ZNF503: variants seen among roughly 807,000 people sequenced by gnomAD.
ZNF503 encodes NocA-like zinc finger 2.
Under a neutral mutation model 34.4 loss-of-function variants are expected in ZNF503, and 15 were observed. The ratio of observed to expected loss-of-function variants is 0.44; its 90% CI spans 0.29 to 0.67. The LOEUF (loss-of-function observed/expected upper bound fraction) is 0.67. Among genes scored for constraint, ZNF503 ranks in the 30% least tolerant of loss-of-function variants. The pLI is 0.13. For missense variants in ZNF503, 1,007 were observed against 926.8 expected (o/e 1.09, Z -1.12); for synonymous variants, 580 against 456.8 (o/e 1.27, Z -3.44).
At chr10:75,346,273 G>A in the ZNF503 span, among the ~76,000 whole-genome samples, 1 of 152,252 alleles carries the variant, frequency 6.6e-6, no homozygotes, top group South Asian at 2.1e-4. Flanking sequence ...GTGCAGACCT[G>A]TGCAGTCTCA....
At chr10:75,336,622 G>A in the ZNF503 span, among the ~76,000 whole-genome samples, 1 of 152,174 alleles carries the variant, frequency 6.6e-6, no homozygotes, top group Non-Finnish European at 1.5e-5. Flanking sequence ...AGCTCTGTGG[G>A]TCAGATGTCC....
At chr10:75,328,380 T>G in the ZNF503 span, among the ~76,000 whole-genome samples, 1 of 152,218 alleles carries the variant, frequency 6.6e-6, no homozygotes, top group Non-Finnish European at 1.5e-5. Flanking sequence ...TCTTGGCACC[T>G]GTGTTGAAAA....
At chr10:75,394,611 C>T (rs1843677026), downstream of ZNF503, among the ~76,000 whole-genome samples, 1 of 152,238 alleles carries the variant, frequency 6.6e-6, no homozygotes, top group African/African-American at 2.4e-5. Context: ...GCTTTTTTAT[C>T]TGCCTTTCCT....
chr10:75,340,083 G>A, the ZNF503 span, among the ~76,000 whole-genome samples: 3 of 150,174 alleles, frequency 2.0e-5, no homozygotes, highest in African/African-American at 7.4e-5. Flanking sequence ...GTGTGGTGGT[G>A]TGCGCCTGTA....
At chr10:75,324,066 A>G in the ZNF503 span, among the ~76,000 whole-genome samples, 1 of 60,938 alleles carries the variant, frequency 1.6e-5, no homozygotes, top group East Asian at 2.7e-4. Context: ...TACATTTTAT[A>G]TGCGTTTGTC....
chr10:75,307,391 G>A, the ZNF503 span, among the ~76,000 whole-genome samples: 1 of 152,236 alleles, frequency 6.6e-6, no homozygotes, highest in Non-Finnish European at 1.5e-5. Context: ...TTCTATGAAG[G>A]TTGAGAGAGG....
the ZNF503 span, among the ~76,000 whole-genome samples, chr10:75,390,721 G>C: frequency 1.4e-3 from 213 of 152,264 alleles, no homozygotes; most frequent in Non-Finnish European, 2.1e-3. Flanking sequence ...CGTGGGGTGC[G>C]GGGGAGTCTG....
chr10:75,343,121 C>T, the ZNF503 span: 4 of 152,216 alleles, frequency 2.6e-5, no homozygotes, highest in African/African-American at 9.7e-5. Context: ...AGCTTTGCCA[C>T]CTCCTGTGTG....
chr10:75,330,844 A>G, the ZNF503 span, among the ~76,000 whole-genome samples: 4 of 151,520 alleles, frequency 2.6e-5, no homozygotes, highest in African/African-American at 9.7e-5. Context: ...AATTTCATTT[A>G]TTTCTGCTCT....
the ZNF503 span, among the ~76,000 whole-genome samples, chr10:75,348,507 A>ATTTTTTTTTT: frequency 1.0e-5 from 1 of 99,356 alleles, no homozygotes; most frequent in Non-Finnish European, 1.9e-5. Context: ...CCCTATTACT[A>ATTTTTTTTTT]TTTTTTTTTT....
the ZNF503 span, among the ~76,000 whole-genome samples, chr10:75,351,517 C>T: frequency 6.9e-3 from 1,046 of 152,228 alleles, 6 homozygotes; most frequent in Non-Finnish European, 0.011. Context: ...GCACATGGTC[C>T]CTCACTGGGG....
chr10:75,330,767 G>A, the ZNF503 span, among the ~76,000 whole-genome samples: 12,147 of 151,700 alleles, frequency 0.08, 605 homozygotes, highest in Middle Eastern at 0.12. Flanking sequence ...CTAATGGTTT[G>A]TACATTCAAT....
chr10:75,325,174 A>G, the ZNF503 span, among the ~76,000 whole-genome samples: 1 of 152,050 alleles, frequency 6.6e-6, no homozygotes, highest in Admixed American at 6.6e-5. Context: ...ATTATTCTAG[A>G]ACCGTTTGTT....
chr10:75,311,638 A>G, the ZNF503 span, among the ~76,000 whole-genome samples: 1 of 146,872 alleles, frequency 6.8e-6, no homozygotes, highest in Admixed American at 6.8e-5. Context: ...AGCCTGGCCC[A>G]TATGCCGAAA....
the ZNF503 span, among the ~76,000 whole-genome samples, chr10:75,379,308 A>G: frequency 2.6e-5 from 4 of 152,178 alleles, no homozygotes; most frequent in Non-Finnish European, 5.9e-5. Flanking sequence ...GGGATGGTTT[A>G]GTGTTGATGA....
At chr10:75,347,979 G>A in the ZNF503 span, among the ~76,000 whole-genome samples, 1 of 152,170 alleles carries the variant, frequency 6.6e-6, no homozygotes, top group Non-Finnish European at 1.5e-5. Context: ...CACCTCCCGG[G>A]TTCAAGTGAT....
Position 75,400,203 on chromosome 10 carries a change from T to G in ZNF503, c.487A>C (p.Lys163Gln), listed in dbSNP as rs752076467. The change falls in exon 2 of 2, where the codon AAG (lysine) becomes CAG (glutamine). Residue 163 changes from lysine (K) to glutamine (Q), a missense_variant. Physicochemically the swap from Lys to Gln is moderately conservative, Grantham distance 53. Transcript: ENST00000372524. ...TCCTCCACGCCGATGTCGCTCAGCT[T>G]CAGGGGGCCCGATTTGGTGTCCTTG... is the stretch of plus-strand genomic sequence containing the variant. Reference protein sequence around the residue: ...GDKDTKSGPLKLSDIGVEDKS... With the variant: ...GDKDTKSGPLQLSDIGVEDKS... 25 of 1,600,378 alleles carry G rather than the reference T, an allele frequency of 1.6e-5. No homozygotes were observed. The highest frequency in any genetic ancestry group is 2.0e-5 in the Non-Finnish European group (24 of 1,174,890).
At position 75,399,623 on chromosome 10, in the gene ZNF503, C is replaced by A. The variant is rs967257736; in HGVS notation, c.1067G>T (p.Gly356Val). Residue 356 changes from glycine (G) to valine (V), a missense_variant, in exon 2 of 2, where the codon GGT becomes GTT. Coordinates refer to ENST00000372524, the MANE Select transcript of ZNF503 (RefSeq NM_032772.6). Reference protein sequence around the residue: ...GQTVFPLPPAGMTYPGSLAGA... With the variant: ...GQTVFPLPPAVMTYPGSLAGA... ...GGCCAGGCTGCCTGGGTAGGTCATA[C>A]CCGCGGGAGGCAGAGGGAACACTGT... 1.3e-6 allele frequency: 2 copies of A among 1,598,480 alleles called. No individual in the cohort carries two copies. The highest frequency in any genetic ancestry group is 1.7e-6 in the Non-Finnish European group (2 of 1,179,650).
the ZNF503 span, among the ~76,000 whole-genome samples, chr10:75,351,874 G>A: frequency 6.6e-6 from 1 of 151,990 alleles, no homozygotes; most frequent in Non-Finnish European, 1.5e-5. Context: ...TACCTCTCTG[G>A]GCCTCCAGTT....
Sources: allele counts gnomAD v4.1 joint callset (sites outside exome capture counted in the v4.1 genomes callset), GRCh38; gene constraint gnomAD v4.1.1; transcripts MANE v1.5; gene names NCBI Gene and HGNC (gene_info 2026-07-23, HGNC 2026-07-21).